The following SLC25A36 variants were observed in gnomAD, a reference collection of about 807,000 sequenced individuals.
SLC25A36 encodes epididymis secretory sperm binding protein.
A neutral mutation model predicts 35.3 loss-of-function variants in SLC25A36; 24 were observed. The ratio of observed to expected loss-of-function variants is 0.68; its 90% CI spans 0.49 to 0.96. The LOEUF (loss-of-function observed/expected upper bound fraction) is 0.96, where lower values mean the gene tolerates loss of function less well. Ranked by LOEUF, SLC25A36 falls within the 40% of genes least tolerant of loss-of-function variation. The probability of loss-of-function intolerance (pLI) is 0.00; values close to 1 mark genes in which losing one functional copy is unlikely to be tolerated. For synonymous variants in SLC25A36, 141 were observed against 132.2 expected (o/e 1.07, Z -0.46); for missense variants, 294 against 381.1 (o/e 0.77, Z 1.90).
At chr3:140,958,233 C>G (rs1934530034) in intron 2 of SLC25A36, among the ~76,000 whole-genome samples, 2 of 152,158 alleles carry the variant, frequency 1.3e-5, no homozygotes, top group African/African-American at 4.8e-5. Flanking sequence ...ACTACTTGGC[C>G]TAGTCTGTTA....
intron 6 of SLC25A36, among the ~76,000 whole-genome samples, chr3:140,975,303 T>A: frequency 6.6e-6 from 1 of 151,806 alleles, no homozygotes; most frequent in Admixed American, 6.6e-5. Flanking sequence ...AGACATAGTC[T>A]TGCTGGGTTC....
At chr3:140,970,141 T>C (rs1934864419) in intron 4 of SLC25A36, among the ~76,000 whole-genome samples, 1 of 151,944 alleles carries the variant, frequency 6.6e-6, no homozygotes, top group East Asian at 1.9e-4. Flanking sequence ...ATTTACTACC[T>C]GGAATGAGCC....
At chr3:140,955,503 A>T (rs977151652) in intron 1 of SLC25A36, among the ~76,000 whole-genome samples, 2 of 152,198 alleles carry the variant, frequency 1.3e-5, no homozygotes, top group East Asian at 3.8e-4. Flanking sequence ...ATTTTAAAAT[A>T]AGAAAATAAT....
chr3:140,942,174 C>T (rs1210021756), intron 1 of SLC25A36, 79 bp downstream of exon 1: 7 of 60,186 alleles, frequency 1.2e-4, no homozygotes, highest in East Asian at 5.4e-4. Flanking sequence ...CGAGGGGGGC[C>T]GAGGGGGGTG....
intron 4 of SLC25A36, chr3:140,970,443 A>G (rs1174932885): frequency 6.5e-6 from 1 of 152,714 alleles, no homozygotes; most frequent in Non-Finnish European, 1.5e-5. Flanking sequence ...CCACTATATA[A>G]TCAACTAAAG....
intron 1 of SLC25A36, among the ~76,000 whole-genome samples, chr3:140,955,357 C>G (rs1306674686): frequency 3.3e-5 from 5 of 151,976 alleles, no homozygotes; most frequent in Non-Finnish European, 7.4e-5. Context: ...CCACGTTAAC[C>G]TGACTCAACT....
At position 140,952,550 on chromosome 3, in the gene SLC25A36, C is replaced by T. The variant is rs560033943; in HGVS notation, c.42-3977C>T. On this transcript the variant is annotated intron_variant, in intron 1 of 6. Coordinates refer to ENST00000324194, the MANE Select transcript of SLC25A36 (RefSeq NM_001104647.3). The stretch of plus-strand genomic sequence containing the variant: ...CAAAATATTCATAAGACTTCTATTA[C>T]AAAATTTCATAGTTACCATTATCAG... 3.9e-5 allele frequency among the ~76,000 whole-genome samples: 6 copies of T among 152,304 alleles called. No individual in the cohort carries two copies. In the South Asian group the frequency reaches 1.0e-3, roughly 26 times the overall value.
chr3:140,956,437 C>T (rs1361107120), intron 1 of SLC25A36, 90 bp from the exon 2 acceptor site: 2 of 1,305,532 alleles, frequency 1.5e-6, no homozygotes, highest in Non-Finnish European at 2.0e-6. Flanking sequence ...GGCAAAGCTC[C>T]AGGTACCCAT....
In SLC25A36 at chr3:140,979,253, T is replaced by G. The variant is rs932295976; in HGVS notation, c.*2800T>G. ...TATGTTAGGACCAGCAGAGTTTGGGTTGGTAAAAATAATGTTTGCTCTATT... is the reference window on the plus strand; with the variant it reads ...TATGTTAGGACCAGCAGAGTTTGGGGTGGTAAAAATAATGTTTGCTCTATT... On this transcript the variant is annotated 3_prime_UTR_variant, in exon 7 of 7. Coordinates refer to ENST00000324194, the MANE Select transcript of SLC25A36 (RefSeq NM_001104647.3). 6 of 152,152 alleles carry G rather than the reference T, an allele frequency of 3.9e-5. No individual in the cohort carries two copies. Among genetic ancestry groups the G allele is most frequent in the Non-Finnish European group, 7.4e-5 (5 of 67,996 alleles). 9.4% of individuals were successfully genotyped at this position (152,152 alleles called of 1,614,324 possible). A position where few individuals can be genotyped will look rare whatever the true frequency, so the allele number is the denominator to read the frequency against.
chr3:140,941,898 G>A lies in SLC25A36; in HGVS notation c.-157G>A, dbSNP rs532991433. 1.1e-4 allele frequency: 56 copies of A among 528,074 alleles called. 2 individuals carry two copies. In the South Asian group the frequency reaches 1.3e-3, roughly 12 times the overall value. The allele number at this position is 528,074 out of a possible 1,614,324, so 32.7% of individuals were successfully genotyped here. A position where few individuals can be genotyped will look rare whatever the true frequency, so the allele number is the denominator to read the frequency against. On this transcript the variant is annotated 5_prime_UTR_variant, in exon 1 of 7. Coordinates refer to ENST00000324194, the MANE Select transcript of SLC25A36 (RefSeq NM_001104647.3). ...GGCGCGGCTGGAGTGCCGCGGGGAG[G>A]GCTGTGCCGGTTGCTTTCTGCAGCC...
chr3:140,942,159 G>A (rs1197135684), intron 1 of SLC25A36, 64 bp downstream of exon 1: 1 of 272,048 alleles, frequency 3.7e-6, no homozygotes. Context: ...CGCAGGCGAG[G>A]GGGGCGAGGG....
intron 4 of SLC25A36, chr3:140,966,774 T>G: frequency 2.7e-6 from 1 of 374,126 alleles, no homozygotes; most frequent in Non-Finnish European, 5.3e-6. Context: ...AATGGCCCAT[T>G]TTGATATTCC....
Position 140,945,138 on chromosome 3 carries a change from A to G in SLC25A36, c.41+3043A>G, listed in dbSNP as rs141461243. The stretch of plus-strand genomic sequence containing the variant: ...GTAACAGGTTTTTTGATGATGGTCT[A>G]CTTCCTCATAGAAGATACTCTCTTG... On this transcript the variant is annotated intron_variant, in intron 1 of 6. Transcript: ENST00000324194. Among the ~76,000 whole-genome samples, 494 of 152,288 alleles carry G rather than the reference A, an allele frequency of 3.2e-3. 2 individuals are homozygous for G. Among genetic ancestry groups the G allele is most frequent in the African/African-American group, 0.011 (452 of 41,554 alleles).
At chr3:140,966,921 G>A (rs1402978888) in intron 4 of SLC25A36, 1 of 456,286 alleles carries the variant, frequency 2.2e-6, no homozygotes, top group Admixed American at 2.4e-5. Context: ...AGAAAAGCCT[G>A]TGTCTATTTT....
Position 140,956,563 on chromosome 3 carries a change from A to G in SLC25A36, c.78A>G (p.Pro26=), listed in dbSNP as rs374598855. 46 of 1,606,492 alleles carry G rather than the reference A, an allele frequency of 2.9e-5. No individual in the cohort carries two copies. Among genetic ancestry groups the G allele is most frequent in the Non-Finnish European group, 3.7e-5 (44 of 1,178,710 alleles). ...GGTVGAILTC[P]LEVVKTRLQS... ...CAGTGGGAGCTATTCTGACATGTCC[A>G]CTGGAAGTTGTAAAAACACGACTGC... Residue 26 remains proline, a synonymous_variant, in exon 2 of 7, where the codon CCA becomes CCG. Coordinates refer to ENST00000324194, the MANE Select transcript of SLC25A36 (RefSeq NM_001104647.3).
chr3:140,953,372 T>TATAATTGTG, intron 1 of SLC25A36, among the ~76,000 whole-genome samples: 1 of 145,326 alleles, frequency 6.9e-6, no homozygotes, highest in East Asian at 2.3e-4. Context: ...AATCTGACCG[T>TATAATTGTG]ATAATTGTGG....
In SLC25A36 at chr3:140,941,883, G is replaced by C. The variant is rs981141621; in HGVS notation, c.-172G>C. ...GCTTAGGCAGGCGGTGGCGCGGCTG[G>C]AGTGCCGCGGGGAGGGCTGTGCCGG... On this transcript the variant is annotated 5_prime_UTR_variant, in exon 1 of 7. Coordinates refer to ENST00000324194, the MANE Select transcript of SLC25A36 (RefSeq NM_001104647.3). 3.9e-6 allele frequency: 2 copies of C among 509,212 alleles called. No homozygotes were observed. The highest frequency in any genetic ancestry group is 2.0e-5 in the African/African-American group (1 of 49,056). The allele number at this position is 509,212 out of a possible 1,614,324, so 31.5% of individuals were successfully genotyped here. A position where few individuals can be genotyped will look rare whatever the true frequency, so the allele number is the denominator to read the frequency against.
chr3:140,957,702 CTG>C (rs1202187938), intron 2 of SLC25A36, among the ~76,000 whole-genome samples: 1 of 152,072 alleles, frequency 6.6e-6, no homozygotes, highest in African/African-American at 2.4e-5. Context: ...GATTGCGCCA[CTG>C]TATTCCAGTC....
intron 3 of SLC25A36, among the ~76,000 whole-genome samples, chr3:140,961,111 C>G (rs16850926): frequency 0.075 from 11,377 of 152,092 alleles, 533 homozygotes; most frequent in East Asian, 0.17. Flanking sequence ...TTATTTATTA[C>G]GTTTCAACTT....
Sources: allele counts gnomAD v4.1 joint callset (sites outside exome capture counted in the v4.1 genomes callset), GRCh38; gene constraint gnomAD v4.1.1; transcripts MANE v1.5; gene names NCBI Gene and HGNC (gene_info 2026-07-23, HGNC 2026-07-21).